TMEM132C: variants seen among roughly 807,000 people sequenced by gnomAD.
TMEM132C encodes the protein protein phosphatase 1, regulatory subunit 152.
TMEM132C carries 29 observed loss-of-function variants against 61.4 expected under a neutral mutation model. The observed-to-expected ratio is 0.47, with a 90% CI of 0.35 to 0.64. TMEM132C has a LOEUF of 0.64. TMEM132C is among the 30% of genes least tolerant of loss of function. The pLI, the probability that TMEM132C is intolerant of heterozygous loss-of-function variation, is 0.00. For synonymous variants in TMEM132C, 656 were observed against 633.1 expected (o/e 1.04, Z -0.54); for missense variants, 1,408 against 1,476.9 (o/e 0.95, Z 0.76).
chr12:128,661,208 G>A (rs1469878588), intron 4 of TMEM132C, among the ~76,000 whole-genome samples: 1 of 152,220 alleles, frequency 6.6e-6, no homozygotes, highest in Non-Finnish European at 1.5e-5. Flanking sequence ...GTTCAGGGAA[G>A]CCTCAGCTCT....
rs372236093 is a variant in TMEM132C, at chr12:128,491,552, C to A, written c.975-52405C>A. Among the ~76,000 whole-genome samples the A allele has an allele frequency of 3.3e-5, 5 of 152,278 alleles. No homozygotes were observed. In the East Asian group the frequency reaches 5.8e-4, roughly 18 times the overall value. ...CAATGGATTCCCTGAGAGCTGCAAG[C>A]ACACGAGAAACTTTTTAAAACCACT... On this transcript the variant is annotated intron_variant, in intron 2 of 8. Transcript: ENST00000435159.
intron 3 of TMEM132C, among the ~76,000 whole-genome samples, chr12:128,599,986 T>C (rs1876111747): frequency 1.3e-5 from 2 of 152,092 alleles, no homozygotes; most frequent in South Asian, 4.1e-4. Flanking sequence ...TTTTGTTTTT[T>C]GTTTTTGTGT....
chr12:128,581,733 T>A (rs1875343424), intron 3 of TMEM132C, among the ~76,000 whole-genome samples: 1 of 152,202 alleles, frequency 6.6e-6, no homozygotes, highest in South Asian at 2.1e-4. Context: ...TTCAGGGCGA[T>A]CTAAGCAGTG....
chr12:128,591,897 C>T (rs1052703525), intron 3 of TMEM132C, among the ~76,000 whole-genome samples: 3 of 151,730 alleles, frequency 2.0e-5, no homozygotes, highest in Admixed American at 6.6e-5. Context: ...ACTAAAAATA[C>T]AAAAATTAGC....
chr12:128,397,638 C>T (rs1875008328), intron 1 of TMEM132C, among the ~76,000 whole-genome samples: 1 of 152,140 alleles, frequency 6.6e-6, no homozygotes, highest in African/African-American at 2.4e-5. Flanking sequence ...GGGACATTGC[C>T]TCCTCCAAGG....
chr12:128,542,910 T>C (rs1172090677), intron 2 of TMEM132C, among the ~76,000 whole-genome samples: 1 of 149,792 alleles, frequency 6.7e-6, no homozygotes, highest in Non-Finnish European at 1.5e-5. Context: ...CGTGAGCCAC[T>C]GTGCCATGAG....
At chr12:128,689,311 C>T (rs563174063) in intron 5 of TMEM132C, among the ~76,000 whole-genome samples, 2 of 152,242 alleles carry the variant, frequency 1.3e-5, no homozygotes, top group East Asian at 3.9e-4. Context: ...TCAAAATTTT[C>T]TCTCAGCAAT....
intron 1 of TMEM132C, among the ~76,000 whole-genome samples, chr12:128,394,556 A>G (rs118098841): frequency 0.022 from 3,387 of 152,350 alleles, 59 homozygotes; most frequent in Non-Finnish European, 0.033. Context: ...CACAAAGGAA[A>G]AAGTCCTTTC....
intron 3 of TMEM132C, among the ~76,000 whole-genome samples, chr12:128,572,445 T>C (rs116606710): frequency 0.02 from 3,064 of 151,400 alleles, 99 homozygotes; most frequent in African/African-American, 0.071. Context: ...TGGGCCTGGG[T>C]CGCATGACCA....
chr12:128,421,549 A>G (rs1054148938), intron 2 of TMEM132C, among the ~76,000 whole-genome samples: 3 of 152,252 alleles, frequency 2.0e-5, no homozygotes, highest in African/African-American at 4.8e-5. Flanking sequence ...GACTAATAAC[A>G]TACATGGAAA....
intron 3 of TMEM132C, among the ~76,000 whole-genome samples, chr12:128,559,384 G>T (rs555580213): frequency 5.9e-4 from 90 of 151,820 alleles, no homozygotes; most frequent in African/African-American, 1.1e-3. Flanking sequence ...GTTTTTTGGG[G>T]TTTTTTTTGC....
chr12:128,492,528 T>C (rs140744007), intron 2 of TMEM132C, among the ~76,000 whole-genome samples: 4 of 152,348 alleles, frequency 2.6e-5, no homozygotes, highest in East Asian at 3.9e-4. Flanking sequence ...TCCTGACTTT[T>C]TAGTAATCAC....
At chr12:128,360,148 C>T (rs576491646) in intron 1 of TMEM132C, among the ~76,000 whole-genome samples, 7 of 152,130 alleles carry the variant, frequency 4.6e-5, no homozygotes, top group African/African-American at 1.7e-4. Flanking sequence ...TGTGATTGCT[C>T]TTGCAGCTCT....
intron 3 of TMEM132C, among the ~76,000 whole-genome samples, chr12:128,566,766 GAA>G (rs1438427177): frequency 1.3e-5 from 2 of 152,196 alleles, no homozygotes; most frequent in East Asian, 3.9e-4. Context: ...CTTAGACTCA[GAA>G]AAGACTGCCA....
chr12:128,334,988 A>T (rs1872758432), intron 1 of TMEM132C, among the ~76,000 whole-genome samples: 2 of 152,212 alleles, frequency 1.3e-5, no homozygotes, highest in African/African-American at 2.4e-5. Context: ...ATACTTTATT[A>T]GTTCTAAATA....
At position 128,434,822 on chromosome 12, in the gene TMEM132C, G is replaced by A. The variant is rs192785653; in HGVS notation, c.974+19202G>A. On this transcript the variant is annotated intron_variant, in intron 2 of 8. Coordinates refer to ENST00000435159, the MANE Select transcript of TMEM132C (RefSeq NM_001136103.3). ...ATTTTAGTAGAGACGGGGTTTCACC[G>A]TGTTGCCTAGGCTGGTCTCAAACTC... 4.3e-3 allele frequency among the ~76,000 whole-genome samples: 651 copies of A among 149,966 alleles called. 8 individuals are homozygous for A. Among genetic ancestry groups the A allele is most frequent in the African/African-American group, 0.015 (615 of 40,798 alleles).
At chr12:128,694,668 G>T (rs1387904223) in intron 6 of TMEM132C, among the ~76,000 whole-genome samples, 5 of 152,176 alleles carry the variant, frequency 3.3e-5, no homozygotes, top group Admixed American at 2.6e-4. Context: ...CAGTCCCCCA[G>T]GCACCAGGGC....
chr12:128,445,960 C>G (rs1234814976), intron 2 of TMEM132C, among the ~76,000 whole-genome samples: 1 of 152,186 alleles, frequency 6.6e-6, no homozygotes, highest in Non-Finnish European at 1.5e-5. Context: ...TACTTAATCT[C>G]TGTCATCTAC....
Position 128,632,237 on chromosome 12 carries a change from T to C in TMEM132C, c.1305+15902T>C, listed in dbSNP as rs555933165. Among the ~76,000 whole-genome samples, 4 of 151,012 alleles carry C rather than the reference T, an allele frequency of 2.6e-5. No individual in the cohort carries two copies. In the East Asian group the frequency reaches 7.8e-4, roughly 29 times the overall value. ...CAAAAGAGAATAAGGTGTCAGAGGC[T>C]AACAGCCCTCACCAGTGCAGCAAGG... On this transcript the variant is annotated intron_variant, in intron 4 of 8. Coordinates refer to ENST00000435159, the MANE Select transcript of TMEM132C (RefSeq NM_001136103.3).
Sources: allele counts gnomAD v4.1 joint callset (sites outside exome capture counted in the v4.1 genomes callset), GRCh38; gene constraint gnomAD v4.1.1; transcripts MANE v1.5; gene names NCBI Gene and HGNC (gene_info 2026-07-23, HGNC 2026-07-21).